RXFP2: variants seen among roughly 807,000 people sequenced by gnomAD.
The protein encoded by RXFP2 is relaxin receptor 2.
RXFP2 carries 68 observed loss-of-function variants against 88.6 expected under a neutral mutation model. That is an observed-to-expected ratio of 0.77 (90% CI 0.63 to 0.94). The LOEUF (loss-of-function observed/expected upper bound fraction) is 0.94, where lower values mean the gene tolerates loss of function less well. RXFP2 is among the 40% of genes least tolerant of loss of function. The pLI is 0.00. For synonymous variants in RXFP2, 329 were observed against 306.8 expected (o/e 1.07, Z -0.76); for missense variants, 791 against 893.9 (o/e 0.88, Z 1.47).
intron 1 of RXFP2, among the ~76,000 whole-genome samples, chr13:31,753,601 A>G (rs1871776276): frequency 6.6e-6 from 1 of 152,174 alleles, no homozygotes; most frequent in Non-Finnish European, 1.5e-5. Flanking sequence ...ACCACAGAAT[A>G]CACTTTCTAC....
chr13:31,769,241 G>C (rs1872652612), intron 5 of RXFP2, among the ~76,000 whole-genome samples: 1 of 152,174 alleles, frequency 6.6e-6, no homozygotes, highest in African/African-American at 2.4e-5. Flanking sequence ...ATTAGAAGGT[G>C]CTGGGGAAAT....
chr13:31,780,737 C>T (rs537899577), intron 9 of RXFP2, among the ~76,000 whole-genome samples: 1 of 152,300 alleles, frequency 6.6e-6, no homozygotes, highest in Non-Finnish European at 1.5e-5. Context: ...TTCCGGAAGG[C>T]GCTGTCCACG....
At position 31,791,933 on chromosome 13, in the gene RXFP2, A is replaced by G. The variant is rs763680363; in HGVS notation, c.1273A>G (p.Ile425Val). Residue 425 changes from isoleucine (I) to valine (V), a missense_variant, in exon 15 of 18, where the codon ATA becomes GTA. By Grantham distance (29) the Ile-to-Val change is conservative. Transcript: ENST00000298386. The part of the protein sequence containing the change: ...NNILRIFVWV[I>V]AFITCFGNLF... ...TATCCTCAGAATATTTGTCTGGGTT[A>G]TAGCTTTCATTACCTGCTTTGGAAA... 1.9e-6 allele frequency: 3 copies of G among 1,614,048 alleles called. No individual in the cohort carries two copies. Among genetic ancestry groups the G allele is most frequent in the South Asian group, 1.1e-5 (1 of 91,084 alleles).
At chr13:31,790,450 T>C (rs1566234887) in intron 14 of RXFP2, among the ~76,000 whole-genome samples, 1 of 152,258 alleles carries the variant, frequency 6.6e-6, no homozygotes, top group East Asian at 1.9e-4. Flanking sequence ...AGCTGAACTG[T>C]AAGCTACTTG....
At chr13:31,739,785 A>T (rs1871153432) in intron 1 of RXFP2, 79 bp downstream of exon 1, 1 of 912,312 alleles carries the variant, frequency 1.1e-6, no homozygotes, top group Non-Finnish European at 1.8e-6. Context: ...GGCAGTTGTA[A>T]TAAATATATT....
chr13:31,741,852 CT>C (rs1871233971), intron 1 of RXFP2, among the ~76,000 whole-genome samples: 1 of 152,000 alleles, frequency 6.6e-6, no homozygotes, highest in Non-Finnish European at 1.5e-5. Context: ...AAAACATGGG[CT>C]TATGTAGGAA....
At chr13:31,752,290 C>CA (rs1342399204) in intron 1 of RXFP2, among the ~76,000 whole-genome samples, 31 of 152,218 alleles carry the variant, frequency 2.0e-4, no homozygotes, top group Admixed American at 1.8e-3. Context: ...CCCTCCCCCC[C>CA]AAAAAATCTG....
chr13:31,757,150 T>C (rs1871993191), intron 1 of RXFP2, among the ~76,000 whole-genome samples: 1 of 152,188 alleles, frequency 6.6e-6, no homozygotes, highest in South Asian at 2.1e-4. Context: ...CTATCATTGG[T>C]CTTCTCTTAT....
chr13:31,753,834 A>G (rs1871791034), intron 1 of RXFP2, among the ~76,000 whole-genome samples: 6 of 152,034 alleles, frequency 3.9e-5, no homozygotes, highest in Admixed American at 3.9e-4. Flanking sequence ...TAAATGGCTC[A>G]TTAATTCACA....
chr13:31,753,785 G>GAA lies in RXFP2; in HGVS notation c.95-4470_95-4469dup, dbSNP rs1424851417. 2.6e-5 allele frequency among the ~76,000 whole-genome samples: 4 copies of GAA among 152,144 alleles called. No individual in the cohort carries two copies. The East Asian group carries it at 7.7e-4, about 29-fold the overall frequency. On this transcript the variant is annotated intron_variant, in intron 1 of 17. Transcript: ENST00000298386. ...TGCTGCTTTGGGAAGCTTAAATTTT[G>GAA]AAAAGTGCTCTTCCTTCAATTCCTT...
intron 3 of RXFP2, among the ~76,000 whole-genome samples, chr13:31,764,425 A>G (rs1275878488): frequency 1.3e-5 from 2 of 152,188 alleles, no homozygotes; most frequent in Admixed American, 1.3e-4. Flanking sequence ...AATGCTTCAG[A>G]TAGATAGATC....
chr13:31,776,020 T>A (rs995646315), intron 7 of RXFP2, among the ~76,000 whole-genome samples: 2 of 152,236 alleles, frequency 1.3e-5, no homozygotes, highest in Non-Finnish European at 2.9e-5. Flanking sequence ...GCCCCATGCT[T>A]AGCCTTCCAG....
At chr13:31,770,286 C>T (rs777774304) in intron 5 of RXFP2, among the ~76,000 whole-genome samples, 58 of 152,184 alleles carry the variant, frequency 3.8e-4, no homozygotes, top group Non-Finnish European at 6.9e-4. Flanking sequence ...AACTTCTTCC[C>T]TTTTTGAGAA....
intron 5 of RXFP2, among the ~76,000 whole-genome samples, chr13:31,770,070 A>G (rs549443424): frequency 5.3e-5 from 8 of 152,338 alleles, no homozygotes; most frequent in Admixed American, 3.3e-4. Flanking sequence ...TGCTTGATCA[A>G]TGCCCAGTAG....
chr13:31,758,171 C>T, intron 1 of RXFP2, 87 bp from the exon 2 acceptor site: 1 of 1,333,808 alleles, frequency 7.5e-7, no homozygotes, highest in South Asian at 1.2e-5. Context: ...GAACTCAACT[C>T]ATATAGCTCT....
intron 1 of RXFP2, among the ~76,000 whole-genome samples, chr13:31,745,184 T>A (rs1472147503): frequency 2.0e-5 from 3 of 150,294 alleles, no homozygotes; most frequent in Admixed American, 2.0e-4. Context: ...AAAAAAAAGC[T>A]CTATCATCTC....
At chr13:31,798,683 A>C (rs1236738887) in intron 17 of RXFP2, among the ~76,000 whole-genome samples, 1 of 152,130 alleles carries the variant, frequency 6.6e-6, no homozygotes, top group Non-Finnish European at 1.5e-5. Context: ...GAGCATTATA[A>C]TATTTCTTAC....
chr13:31,746,783 G>C lies in RXFP2; in HGVS notation c.94+7077G>C, dbSNP rs571478372. 7.6e-5 allele frequency among the ~76,000 whole-genome samples: 7 copies of C among 92,048 alleles called. No homozygotes were observed. In the South Asian group the frequency reaches 3.7e-3, roughly 49 times the overall value. The allele number at this position is 92,048 out of a possible 152,430, so 60.4% of individuals were successfully genotyped here. On this transcript the variant is annotated intron_variant, in intron 1 of 17. Transcript: ENST00000298386. ...GCTAAAAAATAATATATCTATTGCT[G>C]TAGATATTTCTACTCATAATTTCCT...
intron 17 of RXFP2, among the ~76,000 whole-genome samples, chr13:31,798,097 G>A (rs1475590976): frequency 6.6e-6 from 1 of 152,174 alleles, no homozygotes; most frequent in East Asian, 1.9e-4. Flanking sequence ...GCCGATAGCA[G>A]ATCTACTTGG....
Sources: gnomAD v4.1 joint callset for allele counts (sites outside exome capture counted in the v4.1 genomes callset) on GRCh38, gnomAD v4.1.1 for gene constraint, MANE v1.5 for transcripts, NCBI Gene and HGNC (gene_info 2026-07-23, HGNC 2026-07-21) for gene names.